MAGI3: variants seen among roughly 807,000 people sequenced by gnomAD.
The protein encoded by MAGI3 is membrane associated guanylate kinase, WW and PDZ domain containing 3, also known as membrane-associated guanylate kinase, WW and PDZ domain-containing protein 3.
A neutral mutation model predicts 121.8 loss-of-function variants in MAGI3; 43 were observed. The observed-to-expected ratio is 0.35, with a 90% CI of 0.28 to 0.46. MAGI3 has a LOEUF of 0.46. MAGI3 is among the 20% of genes least tolerant of loss of function. MAGI3 has a pLI of 1.00. For synonymous variants in MAGI3, 553 were observed against 639.3 expected, an observed-to-expected ratio of 0.86 and a Z score of 2.04; for missense variants, 1,547 against 1,797.3, an observed-to-expected ratio of 0.86 and a Z score of 2.52.
intron 1 of MAGI3, among the ~76,000 whole-genome samples, chr1:113,463,565 A>G (rs568490159): frequency 6.6e-6 from 1 of 152,070 alleles, no homozygotes; most frequent in Admixed American, 6.6e-5. Context: ...CCCTTAGGAG[A>G]GCTGTTTCAT....
At chr1:113,616,378 G>C (rs1049515041) in intron 7 of MAGI3, among the ~76,000 whole-genome samples, 3 of 152,182 alleles carry the variant, frequency 2.0e-5, no homozygotes, top group Non-Finnish European at 4.4e-5. Context: ...TTGATTCCCA[G>C]ATTAGTTAGG....
intron 9 of MAGI3, among the ~76,000 whole-genome samples, chr1:113,624,572 A>G (rs150587922): frequency 0.023 from 3,528 of 152,224 alleles, 143 homozygotes; most frequent in African/African-American, 0.08. Context: ...GATTTTTCCT[A>G]TAGAGTTGTT....
intron 1 of MAGI3, among the ~76,000 whole-genome samples, chr1:113,395,386 GT>G (rs939192489): frequency 1.5e-4 from 22 of 150,276 alleles, no homozygotes; most frequent in Non-Finnish European, 2.4e-4. Context: ...AATTTTGGTA[GT>G]TTTTTTTTCT....
chr1:113,651,970 T>A (rs1653195850), intron 14 of MAGI3, among the ~76,000 whole-genome samples: 1 of 152,218 alleles, frequency 6.6e-6, no homozygotes, highest in Admixed American at 6.5e-5. Context: ...GAGTGCTTAC[T>A]ATGTCCTAGA....
Position 113,580,588 on chromosome 1 carries a change from T to C in MAGI3, c.480T>C (p.Tyr160=). The C allele has an allele frequency of 6.2e-7, 1 of 1,612,360 alleles. No homozygotes were observed. The highest frequency in any genetic ancestry group is 8.5e-7 in the Non-Finnish European group (1 of 1,178,770). The change falls in exon 3 of 21, where the codon TAT becomes TAC. Residue 160 remains tyrosine, a synonymous_variant. Coordinates refer to ENST00000307546, the MANE Select transcript of MAGI3 (RefSeq NM_001142782.2). ...PRDGEVPGVD[Y]NFISVEQFKA... is the part of the protein sequence containing the mutation. ...ATGGAGAAGTACCAGGAGTGGATTATAATTTCATTTCCGTTGAACAGTTCA... is the reference window on the plus strand; with the variant it reads ...ATGGAGAAGTACCAGGAGTGGATTACAATTTCATTTCCGTTGAACAGTTCA...
chr1:113,462,705 T>C (rs1326727218), intron 1 of MAGI3, among the ~76,000 whole-genome samples: 1 of 151,880 alleles, frequency 6.6e-6, no homozygotes, highest in Non-Finnish European at 1.5e-5. Flanking sequence ...AAACCTAAAA[T>C]AAAAGGTGAA....
At chr1:113,610,921 A>G (rs779264781) in intron 6 of MAGI3, among the ~76,000 whole-genome samples, 16 of 151,918 alleles carry the variant, frequency 1.1e-4, no homozygotes, top group Non-Finnish European at 2.1e-4. Flanking sequence ...CGACAGAGGA[A>G]GACTCCATCT....
intron 1 of MAGI3, among the ~76,000 whole-genome samples, chr1:113,502,700 C>G (rs1657075041): frequency 3.9e-5 from 1 of 25,514 alleles, no homozygotes; most frequent in Non-Finnish European, 6.0e-5. Flanking sequence ...CCATTTGACC[C>G]AGCCATCCCA....
intron 1 of MAGI3, among the ~76,000 whole-genome samples, chr1:113,412,189 A>G (rs550883491): frequency 5.3e-5 from 8 of 152,088 alleles, no homozygotes; most frequent in Non-Finnish European, 8.8e-5. Context: ...ATGTCCCTGC[A>G]AAGTTCATGA....
chr1:113,456,012 A>C (rs1183060692), intron 1 of MAGI3, among the ~76,000 whole-genome samples: 2 of 150,788 alleles, frequency 1.3e-5, no homozygotes, highest in African/African-American at 4.9e-5. Flanking sequence ...GTGCAGTGGC[A>C]TGATCTCGGC....
At position 113,549,276 on chromosome 1, in the gene MAGI3, G is replaced by A. The variant is rs545785558; in HGVS notation, c.317-239G>A. ...ATATTTTTGTCACCTTCTCTGACCT[G>A]TACCTTCTCCCTCCCTTACCATGTA... On this transcript the variant is annotated intron_variant, in intron 1 of 20. Coordinates refer to ENST00000307546, the MANE Select transcript of MAGI3 (RefSeq NM_001142782.2). Among the ~76,000 whole-genome samples, 49 of 152,252 alleles carry A rather than the reference G, an allele frequency of 3.2e-4. No homozygotes were observed. The South Asian group carries it at 0.01, about 32-fold the overall frequency.
chr1:113,394,018 C>T (rs1488158438), intron 1 of MAGI3, among the ~76,000 whole-genome samples: 2 of 152,084 alleles, frequency 1.3e-5, no homozygotes, highest in Non-Finnish European at 1.5e-5. Context: ...TGACAAAGTC[C>T]ATGGCAGAAG....
In MAGI3 at chr1:113,668,793, A is replaced by G. The variant is rs545730364; in HGVS notation, c.2816-2941A>G. Among the ~76,000 whole-genome samples the G allele has an allele frequency of 2.6e-5, 4 of 151,328 alleles. No homozygotes were observed. The South Asian group carries it at 8.4e-4, about 32-fold the overall frequency. ...GAGACGGGGTTTCACCTTGTTAGCC[A>G]GGATGGTCTCGATCTCCTGACCTCA... On this transcript the variant is annotated intron_variant, in intron 16 of 20. Transcript: ENST00000307546.
At chr1:113,567,828 A>G (rs1181088798) in intron 2 of MAGI3, among the ~76,000 whole-genome samples, 2 of 152,088 alleles carry the variant, frequency 1.3e-5, no homozygotes, top group Admixed American at 6.5e-5. Flanking sequence ...TCTTGCCATT[A>G]CTATTCAACA....
rs538853578 is a variant in MAGI3, at chr1:113,494,915, C to T, written c.317-54600C>T. Among the ~76,000 whole-genome samples the T allele has an allele frequency of 2.8e-4, 43 of 152,154 alleles. 1 individual carries two copies. Among genetic ancestry groups the T allele is most frequent in the Admixed American group, 2.4e-3 (37 of 15,266 alleles). On this transcript the variant is annotated intron_variant, in intron 1 of 20. Coordinates refer to ENST00000307546, the MANE Select transcript of MAGI3 (RefSeq NM_001142782.2). ...TACTTGTTTTTGTTATTTTTAAGAA[C>T]GACCAATTCCAGATCTATGCTAATT...
intron 1 of MAGI3, among the ~76,000 whole-genome samples, chr1:113,435,043 C>T (rs544662017): frequency 5.9e-4 from 90 of 151,982 alleles, no homozygotes; most frequent in Admixed American, 1.2e-3. Context: ...TTTTACATAC[C>T]AAGTATGTTT....
intron 7 of MAGI3, chr1:113,618,737 CT>C: frequency 4.2e-6 from 1 of 236,972 alleles, no homozygotes; most frequent in South Asian, 4.4e-5. Flanking sequence ...ATCTCTTGAC[CT>C]CGTGATCTGC....
At position 113,562,472 on chromosome 1, in the gene MAGI3, C is replaced by T. The variant is rs1381239234; in HGVS notation, c.433+12841C>T. On this transcript the variant is annotated intron_variant, in intron 2 of 20. Transcript: ENST00000307546. ...TTCCATACTTATGAATAGGAAGAAT[C>T]AGTATCATCAAAATGGCCATACTGC... 2.6e-5 allele frequency among the ~76,000 whole-genome samples: 4 copies of T among 152,302 alleles called. No individual in the cohort carries two copies. The East Asian group carries it at 7.7e-4, about 29-fold the overall frequency.
chr1:113,637,938 C>CT lies in MAGI3; in HGVS notation c.1361-3967dup, dbSNP rs1163790980. On this transcript the variant is annotated intron_variant, in intron 9 of 20. Transcript: ENST00000307546. ...GAGGCTTTGTTCATTTCTTTTTATTCTTTTTTCTCTAAACTTCCCTTCTCG... is the reference window on the plus strand; with the variant it reads ...GAGGCTTTGTTCATTTCTTTTTATTCTTTTTTTCTCTAAACTTCCCTTCTCG... Among the ~76,000 whole-genome samples, 9 of 152,152 alleles carry CT rather than the reference C, an allele frequency of 5.9e-5. No homozygotes were observed. In the East Asian group the frequency reaches 1.4e-3, roughly 23 times the overall value.
Sources: gnomAD v4.1 joint callset for allele counts (sites outside exome capture counted in the v4.1 genomes callset) on GRCh38, gnomAD v4.1.1 for gene constraint, MANE v1.5 for transcripts, NCBI Gene and HGNC (gene_info 2026-07-23, HGNC 2026-07-21) for gene names.